ASTN2: variants seen among roughly 807,000 people sequenced by gnomAD.
ASTN2 encodes astrotactin-2.
In ASTN2, 54 loss-of-function variants were observed where a neutral mutation model predicts 139.8. The observed-to-expected ratio is 0.39, with a 90% CI of 0.31 to 0.48. The LOEUF (loss-of-function observed/expected upper bound fraction) is 0.48, where lower values mean the gene tolerates loss of function less well. Among genes scored for constraint, ASTN2 ranks in the 20% least tolerant of loss-of-function variants. The pLI, the probability that ASTN2 is intolerant of heterozygous loss-of-function variation, is 0.95. For synonymous variants in ASTN2, 756 were observed against 719.5 expected, an observed-to-expected ratio of 1.05 and a Z score of -0.81; for missense variants, 1,565 against 1,725.1, an observed-to-expected ratio of 0.91 and a Z score of 1.64.
At chr9:117,390,452 T>C (rs897597567) in intron 1 of ASTN2, among the ~76,000 whole-genome samples, 1 of 152,226 alleles carries the variant, frequency 6.6e-6, no homozygotes, top group African/African-American at 2.4e-5. Context: ...TCCTGTATCA[T>C]ACAGAATCGT....
At chr9:116,640,753 T>C (rs995896042) in intron 17 of ASTN2, among the ~76,000 whole-genome samples, 3 of 152,250 alleles carry the variant, frequency 2.0e-5, no homozygotes, top group Admixed American at 2.0e-4. Context: ...ATGGTTTTAA[T>C]CACGAAAGTG....
intron 11 of ASTN2, among the ~76,000 whole-genome samples, chr9:116,838,139 A>G (rs936828837): frequency 7.9e-5 from 11 of 138,556 alleles, no homozygotes; most frequent in Non-Finnish European, 1.5e-4. Flanking sequence ...AGACAGAGTC[A>G]CGCTCTGTCA....
At chr9:117,007,413 TA>T (rs1837388625) in intron 7 of ASTN2, among the ~76,000 whole-genome samples, 2 of 152,210 alleles carry the variant, frequency 1.3e-5, no homozygotes, top group African/African-American at 2.4e-5. Flanking sequence ...AGTGTGTGGC[TA>T]TGGAACACTT....
intron 16 of ASTN2, among the ~76,000 whole-genome samples, chr9:116,684,094 G>A (rs1421119189): frequency 6.6e-6 from 1 of 152,158 alleles, no homozygotes; most frequent in African/African-American, 2.4e-5. Context: ...TTGGGACCTT[G>A]AGAAGAGAGG....
At chr9:117,197,891 C>A (rs1215590265) in intron 3 of ASTN2, among the ~76,000 whole-genome samples, 2 of 151,994 alleles carry the variant, frequency 1.3e-5, no homozygotes, top group African/African-American at 4.8e-5. Flanking sequence ...TGATGTAATT[C>A]CATTGTTTTC....
intron 1 of ASTN2, among the ~76,000 whole-genome samples, chr9:117,399,840 T>C (rs1273265607): frequency 6.6e-6 from 1 of 152,214 alleles, no homozygotes; most frequent in African/African-American, 2.4e-5. Context: ...TAATCCCAAT[T>C]GACTGGAAGT....
chr9:117,366,938 C>T (rs1335242243), intron 1 of ASTN2, among the ~76,000 whole-genome samples: 3 of 152,076 alleles, frequency 2.0e-5, no homozygotes, highest in Non-Finnish European at 4.4e-5. Context: ...CTACACTCAG[C>T]TAATTTTTGT....
chr9:116,438,959 A>T (rs1847744972), intron 22 of ASTN2, among the ~76,000 whole-genome samples: 1 of 152,140 alleles, frequency 6.6e-6, no homozygotes, highest in South Asian at 2.1e-4. Flanking sequence ...TCAAAAAAAG[A>T]AAAGAAAATC....
intron 11 of ASTN2, 31 bp downstream of exon 11, chr9:116,863,552 C>T: frequency 6.2e-7 from 1 of 1,609,012 alleles, no homozygotes; most frequent in Non-Finnish European, 8.5e-7. Flanking sequence ...CCCTGGGCCA[C>T]TGCCATGTTC....
intron 7 of ASTN2, among the ~76,000 whole-genome samples, chr9:117,000,266 G>T (rs1036884397): frequency 1.3e-5 from 2 of 152,114 alleles, no homozygotes; most frequent in African/African-American, 4.8e-5. Context: ...TATGTTAAAT[G>T]ACTTACCAAG....
chr9:117,403,777 C>A (rs1830904872), intron 1 of ASTN2, among the ~76,000 whole-genome samples: 1 of 152,134 alleles, frequency 6.6e-6, no homozygotes, highest in Admixed American at 6.5e-5. Flanking sequence ...CACCCACCTG[C>A]CTTAGACTCA....
intron 11 of ASTN2, among the ~76,000 whole-genome samples, chr9:116,854,651 C>CTTTT (rs764856702): frequency 4.1e-5 from 5 of 121,918 alleles, no homozygotes; most frequent in African/African-American, 6.3e-5. Context: ...TTCCTTCTCT[C>CTTTT]TTTTTTTTTT....
chr9:116,641,307 T>C (rs780923814), intron 17 of ASTN2, among the ~76,000 whole-genome samples: 13 of 152,176 alleles, frequency 8.5e-5, no homozygotes, highest in African/African-American at 1.2e-4. Context: ...TATTTAAAAT[T>C]TGAAGAAGAG....
At chr9:116,845,694 T>G (rs974039263) in intron 11 of ASTN2, among the ~76,000 whole-genome samples, 3 of 152,206 alleles carry the variant, frequency 2.0e-5, no homozygotes, top group Non-Finnish European at 4.4e-5. Flanking sequence ...CTCATTAGGA[T>G]GGCTGTTACC....
intron 1 of ASTN2, among the ~76,000 whole-genome samples, chr9:117,401,181 A>C (rs1830817774): frequency 6.6e-6 from 1 of 152,138 alleles, no homozygotes; most frequent in Non-Finnish European, 1.5e-5. Flanking sequence ...TTCACAAACT[A>C]TCACCCTGAT....
intron 2 of ASTN2, among the ~76,000 whole-genome samples, chr9:117,224,531 G>A (rs1424232959): frequency 1.3e-5 from 2 of 152,166 alleles, no homozygotes; most frequent in African/African-American, 2.4e-5. Flanking sequence ...TCCCCTCTTT[G>A]GGGTAAGTAG....
At chr9:116,516,083 A>T (rs1407244) in intron 19 of ASTN2, among the ~76,000 whole-genome samples, 140,776 of 152,274 alleles carry the variant, frequency 0.92, 65,130 homozygotes, top group Admixed American at 0.94. Context: ...ATTTTATTAA[A>T]ATATAAATAC....
At chr9:116,449,949 C>T (rs1848124516) in intron 20 of ASTN2, among the ~76,000 whole-genome samples, 1 of 152,138 alleles carries the variant, frequency 6.6e-6, no homozygotes, top group Non-Finnish European at 1.5e-5. Flanking sequence ...CAGTTGAGGC[C>T]CCATACTTCG....
chr9:116,629,385 G>C (rs1019260140), intron 17 of ASTN2, among the ~76,000 whole-genome samples: 3 of 152,050 alleles, frequency 2.0e-5, no homozygotes, highest in African/African-American at 7.2e-5. Context: ...CCAAAGTGCT[G>C]GGATTACAGG....
Sources: allele counts gnomAD v4.1 joint callset (sites outside exome capture counted in the v4.1 genomes callset), GRCh38; gene constraint gnomAD v4.1.1; transcripts MANE v1.5; gene names NCBI Gene and HGNC (gene_info 2026-07-23, HGNC 2026-07-21).